The following TENM2 variants were observed in gnomAD, a reference collection of about 807,000 sequenced individuals.
TENM2 encodes teneurin-2.
TENM2 carries 52 observed loss-of-function variants against 245.2 expected under a neutral mutation model. That is an observed-to-expected ratio of 0.21 (90% CI 0.17 to 0.27). The LOEUF is 0.27. Among genes scored for constraint, TENM2 ranks in the 10% least tolerant of loss-of-function variants. The pLI is 1.00. For missense variants in TENM2, 3,046 were observed against 3,666.8 expected (o/e 0.83, Z 4.37); for synonymous variants, 1,363 against 1,438.9 (o/e 0.95, Z 1.19).
At chr5:167,992,702 G>A (rs1295747142) in intron 4 of TENM2, among the ~76,000 whole-genome samples, 1 of 152,132 alleles carries the variant, frequency 6.6e-6, no homozygotes. Flanking sequence ...TGCTTTGAAT[G>A]CTTTGCAGGT....
chr5:168,016,505 T>TA (rs1450219692), intron 5 of TENM2, among the ~76,000 whole-genome samples: 1 of 152,246 alleles, frequency 6.6e-6, no homozygotes. Context: ...AATAACTTGC[T>TA]AAGAGTAAAA....
intron 2 of TENM2, among the ~76,000 whole-genome samples, chr5:167,727,257 C>A (rs2150541696): frequency 6.6e-6 from 1 of 151,840 alleles, no homozygotes; most frequent in East Asian, 1.9e-4. Context: ...CTACAGGTGC[C>A]CGCCACCACG....
At chr5:168,155,146 G>C (rs577507606) in intron 12 of TENM2, among the ~76,000 whole-genome samples, 1 of 152,140 alleles carries the variant, frequency 6.6e-6, no homozygotes, top group Non-Finnish European at 1.5e-5. Flanking sequence ...AGAGCACCTC[G>C]AAGCATCAGA....
chr5:167,811,950 C>G (rs1766673043), intron 2 of TENM2, among the ~76,000 whole-genome samples: 1 of 152,136 alleles, frequency 6.6e-6, no homozygotes, highest in Admixed American at 6.6e-5. Context: ...AAAGGTCAGA[C>G]TATTATGCCT....
the TENM2 span, among the ~76,000 whole-genome samples, chr5:167,192,666 A>G: frequency 1.9e-3 from 288 of 152,236 alleles, no homozygotes; most frequent in African/African-American, 6.6e-3. Context: ...CTTTCTTCCT[A>G]ACACTGAGAG....
the TENM2 span, among the ~76,000 whole-genome samples, chr5:167,135,308 C>G: frequency 2.6e-5 from 4 of 152,004 alleles, no homozygotes; most frequent in Non-Finnish European, 5.9e-5. Context: ...GAATTGCGCC[C>G]CGAAACATTT....
At chr5:167,798,639 T>G (rs933368854) in intron 2 of TENM2, among the ~76,000 whole-genome samples, 1 of 152,114 alleles carries the variant, frequency 6.6e-6, no homozygotes, top group Non-Finnish European at 1.5e-5. Context: ...GATCGCAGAC[T>G]CCGCACTTTT....
intron 2 of TENM2, among the ~76,000 whole-genome samples, chr5:167,869,703 T>C (rs887077829): frequency 6.6e-6 from 1 of 152,214 alleles, no homozygotes; most frequent in African/African-American, 2.4e-5. Context: ...AAGCCCGTGG[T>C]GAAGGCTTGA....
At chr5:167,187,111 T>C in the TENM2 span, among the ~76,000 whole-genome samples, 1 of 152,224 alleles carries the variant, frequency 6.6e-6, no homozygotes, top group Non-Finnish European at 1.5e-5. Context: ...AGTTTCACTT[T>C]GTTTTTAAGC....
intron 1 of TENM2, among the ~76,000 whole-genome samples, chr5:167,319,130 A>G (rs1274711659): frequency 6.6e-6 from 1 of 152,224 alleles, no homozygotes; most frequent in African/African-American, 2.4e-5. Context: ...AAGGAGTTTA[A>G]AATCAATTAA....
chr5:167,524,680 A>G (rs575551120), intron 2 of TENM2, among the ~76,000 whole-genome samples: 2 of 152,076 alleles, frequency 1.3e-5, no homozygotes, highest in South Asian at 4.2e-4. Flanking sequence ...AAAGCTTTCA[A>G]AAAAATACCA....
intron 10 of TENM2, among the ~76,000 whole-genome samples, chr5:168,120,989 A>C (rs906842871): frequency 6.6e-6 from 1 of 152,196 alleles, no homozygotes; most frequent in African/African-American, 2.4e-5. Flanking sequence ...AGGAGTTGAC[A>C]TATTAGTTTA....
chr5:167,331,734 G>A (rs4869029), intron 1 of TENM2, among the ~76,000 whole-genome samples: 8,284 of 152,210 alleles, frequency 0.054, 349 homozygotes, highest in Admixed American at 0.13. Flanking sequence ...CATTAAATGT[G>A]AGCACCGTTG....
chr5:167,753,996 T>C (rs189093573), intron 2 of TENM2, among the ~76,000 whole-genome samples: 4 of 152,230 alleles, frequency 2.6e-5, no homozygotes, highest in African/African-American at 4.8e-5. Context: ...GGAGTTGGGA[T>C]GCATTGTTTC....
At chr5:168,045,544 A>G (rs944095410) in intron 5 of TENM2, among the ~76,000 whole-genome samples, 4 of 152,106 alleles carry the variant, frequency 2.6e-5, no homozygotes, top group Non-Finnish European at 5.9e-5. Context: ...TCTTTGCCTG[A>G]TGGGACCCAC....
At chr5:167,418,623 G>C (rs1459996891) in intron 2 of TENM2, among the ~76,000 whole-genome samples, 1 of 152,118 alleles carries the variant, frequency 6.6e-6, no homozygotes, top group African/African-American at 2.4e-5. Context: ...TGACCAACAG[G>C]AAGATATGGA....
the TENM2 span, among the ~76,000 whole-genome samples, chr5:167,248,439 G>C: frequency 6.6e-6 from 1 of 152,006 alleles, no homozygotes; most frequent in Non-Finnish European, 1.5e-5. Flanking sequence ...CCCGCCCCCA[G>C]ATTCTCTGAT....
Position 168,244,509 on chromosome 5 carries a change from G to T in TENM2, c.5610G>T (p.Arg1870Ser). ...ATGACCACCGGAAGTTCACCCTGAGGATCATTTATGACCAGGTGGGCCGCC... is the reference window on the plus strand; with the variant it reads ...ATGACCACCGGAAGTTCACCCTGAGTATCATTTATGACCAGGTGGGCCGCC... The change falls in exon 26 of 29, where the codon AGG becomes AGT. Residue 1870 changes from arginine (R) to serine (S), a missense_variant. Arg to Ser is a moderately radical substitution (Grantham distance 110, BLOSUM62 -1). Transcript: ENST00000518659. This position sits in a 1 kb window ranked among gnomAD's most constrained non-coding sequence, Gnocchi z 4.9. 6.2e-7 allele frequency: 1 copy of T among 1,611,050 alleles called. No homozygotes were observed. The highest frequency in any genetic ancestry group is 8.5e-7 in the Non-Finnish European group (1 of 1,178,202).
In TENM2 at chr5:167,859,574, G is replaced by A. The variant is rs1286740391; in HGVS notation, c.503-16412G>A. Among the ~76,000 whole-genome samples the A allele has an allele frequency of 2.9e-3, 264 of 91,162 alleles. 1 individual carries two copies. Among genetic ancestry groups the A allele is most frequent in the Middle Eastern group, 0.011 (1 of 90 alleles). 59.8% of individuals were successfully genotyped at this position (91,162 alleles called of 152,430 possible). A position where few individuals can be genotyped will look rare whatever the true frequency, so the allele number is the denominator to read the frequency against. On this transcript the variant is annotated intron_variant, in intron 2 of 28. Transcript: ENST00000518659. ...AGGGAGGTGGGGGGGTCAGCCCCCCGCCTGGCCAGCCGCCCCGTCCGGGAG... is the reference window on the plus strand; with the variant it reads ...AGGGAGGTGGGGGGGTCAGCCCCCCACCTGGCCAGCCGCCCCGTCCGGGAG...
Sources: gnomAD v4.1 joint callset for allele counts (sites outside exome capture counted in the v4.1 genomes callset) on GRCh38, gnomAD v4.1.1 for gene constraint, Gnocchi (gnomAD v3.1) non-coding constraint, MANE v1.5 for transcripts, NCBI Gene and HGNC (gene_info 2026-07-23, HGNC 2026-07-21) for gene names.